CRYBG3: variants seen among roughly 807,000 people sequenced by gnomAD.
CRYBG3 encodes very large A-kinase anchor protein.
In CRYBG3, 127 loss-of-function variants were observed where a neutral mutation model predicts 244.2. The observed-to-expected ratio is 0.52, with a 90% CI of 0.45 to 0.60. The LOEUF (loss-of-function observed/expected upper bound fraction) is 0.60, where lower values mean the gene tolerates loss of function less well. Ranked by LOEUF, CRYBG3 falls within the 20% of genes least tolerant of loss-of-function variation. CRYBG3 has a pLI of 0.00. For missense variants in CRYBG3, 3,325 were observed against 3,442.5 expected (o/e 0.97, Z 0.85); for synonymous variants, 1,132 against 1,195.8 (o/e 0.95, Z 1.10).
At chr3:97,930,416 A>G (rs72916364) in intron 17 of CRYBG3, among the ~76,000 whole-genome samples, 111 of 152,180 alleles carry the variant, frequency 7.3e-4, no homozygotes, top group Middle Eastern at 3.4e-3. Flanking sequence ...TTTATTTTAT[A>G]AACTGTTGGG....
At chr3:97,911,539 G>A (rs1319626088) in intron 15 of CRYBG3, among the ~76,000 whole-genome samples, 1 of 152,218 alleles carries the variant, frequency 6.6e-6, no homozygotes, top group African/African-American at 2.4e-5. Flanking sequence ...ACCGAAGCCT[G>A]TAAGCTGAAA....
chr3:97,873,611 A>G lies in CRYBG3; in HGVS notation c.2417A>G (p.Glu806Gly). ...IIEKSDSLSL[E>G]AKTANIVSKA... ...GAGAAGTCTGATTCTCTTTCCTTGG[A>G]AGCCAAAACTGCTAACATTGTATCA... The change falls in exon 4 of 22, where the codon GAA (glutamate) becomes GGA (glycine). Residue 806 changes from glutamate to glycine, a missense_variant. Coordinates refer to ENST00000389622, the MANE Select transcript of CRYBG3 (RefSeq NM_153605.4). 1 of 1,534,364 alleles carries G rather than the reference A, an allele frequency of 6.5e-7. No individual in the cohort carries two copies. The highest frequency in any genetic ancestry group is 8.7e-7 in the Non-Finnish European group (1 of 1,146,258).
At chr3:97,883,404 T>C (rs756839257) in intron 7 of CRYBG3, among the ~76,000 whole-genome samples, 2 of 152,214 alleles carry the variant, frequency 1.3e-5, no homozygotes, top group Non-Finnish European at 2.9e-5. Context: ...TTTTGTGCTT[T>C]CTTTGTGAAA....
Position 97,877,334 on chromosome 3 carries a change from A to G in CRYBG3, c.6140A>G (p.Asp2047Gly), listed in dbSNP as rs921509869. Reference sequence around the variant, plus strand: ...TGTGAAAGGTCTGAGAGTAGAACTGACCTTGTCCATCACTTTGAAAAAGGT... The same window carrying G: ...TGTGAAAGGTCTGAGAGTAGAACTGGCCTTGTCCATCACTTTGAAAAAGGT... Reference protein sequence around the residue: ...LACERSESRTDLVHHFEKGTK... With the variant: ...LACERSESRTGLVHHFEKGTK... Residue 2047 changes from aspartate (D) to glycine (G), a missense_variant, in exon 4 of 22, where the codon GAC becomes GGC. Physicochemically the swap from Asp to Gly is moderately conservative, Grantham distance 94. Transcript: ENST00000389622. 2 of 1,614,010 alleles carry G rather than the reference A, an allele frequency of 1.2e-6. No individual in the cohort carries two copies. Among genetic ancestry groups the G allele is most frequent in the African/African-American group, 1.3e-5 (1 of 74,930 alleles).
At chr3:97,893,093 A>C in intron 11 of CRYBG3, 100 bp downstream of exon 11, 1 of 1,010,916 alleles carries the variant, frequency 9.9e-7, no homozygotes, top group Non-Finnish European at 1.5e-6. Context: ...TTTAATCTAA[A>C]AATATACATT....
intron 17 of CRYBG3, among the ~76,000 whole-genome samples, chr3:97,920,660 G>T (rs2039973910): frequency 6.6e-6 from 1 of 152,092 alleles, no homozygotes; most frequent in Non-Finnish European, 1.5e-5. Flanking sequence ...CTCCCAAGTA[G>T]CTGGGATTAC....
Position 97,822,096 on chromosome 3 carries a change from C to T in CRYBG3, c.-111C>T. On this transcript the variant is annotated 5_prime_UTR_variant, in exon 1 of 22. Transcript: ENST00000389622. ...ACTGAGCCGCGCTGGCAGCTCGCGT[C>T]GAGTCGGTCTGCCCTAGCCGCATCC... is the stretch of plus-strand genomic sequence containing the variant. The T allele has an allele frequency of 1.1e-6, 1 of 899,576 alleles. No individual in the cohort carries two copies. The highest frequency in any genetic ancestry group is 1.5e-6 in the Non-Finnish European group (1 of 669,586). The allele number at this position is 899,576 out of a possible 1,614,324, so 55.7% of individuals were successfully genotyped here.
Position 97,898,902 on chromosome 3 carries a change from T to A in CRYBG3, c.7721T>A (p.Val2574Asp). 6.3e-7 allele frequency: 1 copy of A among 1,595,046 alleles called. No individual in the cohort carries two copies. Among genetic ancestry groups the A allele is most frequent in the Non-Finnish European group, 8.5e-7 (1 of 1,171,164 alleles). The change falls in exon 13 of 22, where the codon GTC becomes GAC. Residue 2574 changes from valine (V) to aspartate (D), a missense_variant. By Grantham distance (152) the Val-to-Asp change is radical. Coordinates refer to ENST00000389622, the MANE Select transcript of CRYBG3 (RefSeq NM_153605.4). The part of the protein sequence containing the change: ...YLQANFIESS[V>D]TLFESDLESG... ...TTTTAGAATTTTATAGAATCTTCTG[T>A]CACACTATTTGAATCTGACCTAGAA...
Position 97,876,284 on chromosome 3 carries a change from G to C in CRYBG3, c.5090G>C (p.Gly1697Ala). The change falls in exon 4 of 22, where the codon GGT (glycine) becomes GCT (alanine). Residue 1697 changes from glycine (G) to alanine (A), a missense_variant. This residue lies in a region of CRYBG3 where 635 missense variants were observed against 771.7 expected (regional missense o/e 0.82). Transcript: ENST00000389622. Reference sequence around the variant, plus strand: ...GAAGTGGAAAATATCCACCAAAAAGGTGGTGAAGGGATTAGTGAAAAGGCT... The same window carrying C: ...GAAGTGGAAAATATCCACCAAAAAGCTGGTGAAGGGATTAGTGAAAAGGCT... ...LSEVENIHQK[G>A]GEGISEKAEV... 1 of 1,231,840 alleles carries C rather than the reference G, an allele frequency of 8.1e-7. No homozygotes were observed. The highest frequency in any genetic ancestry group is 1.0e-6 in the Non-Finnish European group (1 of 987,894). The allele number at this position is 1,231,840 out of a possible 1,614,324, so 76.3% of individuals were successfully genotyped here. A position where few individuals can be genotyped will look rare whatever the true frequency, so the allele number is the denominator to read the frequency against.
intron 17 of CRYBG3, among the ~76,000 whole-genome samples, chr3:97,928,763 T>G (rs1325523524): frequency 7.9e-5 from 12 of 151,914 alleles, no homozygotes; most frequent in Admixed American, 6.6e-5. Flanking sequence ...GCTACACAAA[T>G]TGGGTAGTAT....
In CRYBG3 at chr3:97,872,629, ACCATAGATAGCTCATCAAAGCAAGCTG is replaced by A; in HGVS notation, c.1439_1465del (p.Ile480_Ala488del). The A allele has an allele frequency of 6.5e-7, 1 of 1,535,956 alleles. No homozygotes were observed. The highest frequency in any genetic ancestry group is 8.7e-7 in the Non-Finnish European group (1 of 1,146,816). On this transcript the variant is annotated inframe_deletion, in exon 4 of 22. Transcript: ENST00000389622. ...AGAGAGTGAGTGTTCTGACAAGCAAACCATAGATAGCTCATCAAAGCAAGCTGCCACTCACACCAATATCATTGCTCT... is the reference window on the plus strand; with the variant it reads ...AGAGAGTGAGTGTTCTGACAAGCAAACCACTCACACCAATATCATTGCTCT...
Position 97,897,006 on chromosome 3 carries a change from A to G in CRYBG3, c.7701+921A>G, listed in dbSNP as rs531554557. 1.5e-4 allele frequency among the ~76,000 whole-genome samples: 23 copies of G among 152,182 alleles called. No homozygotes were observed. In the South Asian group the frequency reaches 4.6e-3, roughly 30 times the overall value. On this transcript the variant is annotated intron_variant, in intron 12 of 21. Coordinates refer to ENST00000389622, the MANE Select transcript of CRYBG3 (RefSeq NM_153605.4). Reference sequence around the variant, plus strand: ...TTTTTTTTTTAAGGAGAGGACCAAAAGGAATATAGCAGTATTTAGGCTCCA... The same window carrying G: ...TTTTTTTTTTAAGGAGAGGACCAAAGGGAATATAGCAGTATTTAGGCTCCA...
chr3:97,863,895 T>A (rs1246427585), intron 2 of CRYBG3, among the ~76,000 whole-genome samples: 1 of 152,138 alleles, frequency 6.6e-6, no homozygotes, highest in Non-Finnish European at 1.5e-5. Flanking sequence ...TCTGTCCTCT[T>A]TAAAGAGTGT....
At chr3:97,899,300 G>A (rs1287118287) in intron 14 of CRYBG3, 37 bp downstream of exon 14, 1 of 1,579,746 alleles carries the variant, frequency 6.3e-7, no homozygotes, top group Admixed American at 1.9e-5. Flanking sequence ...GCTGCATCAT[G>A]TAATAGTATG....
chr3:97,936,838 C>T lies in CRYBG3; in HGVS notation c.8435C>T (p.Pro2812Leu). 1 of 1,612,894 alleles carries T rather than the reference C, an allele frequency of 6.2e-7. No individual in the cohort carries two copies. Among genetic ancestry groups the T allele is most frequent in the Non-Finnish European group, 8.5e-7 (1 of 1,179,298 alleles). The part of the protein sequence containing the change: ...NFLGRQILLR[P>L]NEIPNWTAFS... ...TTGGGAAGACAAATCCTACTCAGGC[C>T]TAATGAGATCCCAAACTGGACAGCA... The change falls in exon 19 of 22, where the codon CCT (proline) becomes CTT (leucine). Residue 2812 changes from proline (P) to leucine (L), a missense_variant. This residue lies in a region of CRYBG3 where 714 missense variants were observed against 803.6 expected (regional missense o/e 0.89). Transcript: ENST00000389622.
At position 97,874,761 on chromosome 3, in the gene CRYBG3, T is replaced by C; in HGVS notation, c.3567T>C (p.Leu1189=). ...CCAGGAGAAGAGCACATGACCAACTTTTGGACCTCAAAAGTAGTTTACTCA... is the reference window on the plus strand; with the variant it reads ...CCAGGAGAAGAGCACATGACCAACTCTTGGACCTCAAAAGTAGTTTACTCA... ...IEARRRAHDQ[L]LDLKSSLLKK... The change falls in exon 4 of 22, where the codon CTT becomes CTC. Residue 1189 remains leucine, a synonymous_variant. Transcript: ENST00000389622. 2 of 1,535,986 alleles carry C rather than the reference T, an allele frequency of 1.3e-6. No individual in the cohort carries two copies. The highest frequency in any genetic ancestry group is 1.7e-6 in the Non-Finnish European group (2 of 1,146,872).
chr3:97,905,702 C>T (rs1220495485), intron 15 of CRYBG3, among the ~76,000 whole-genome samples: 1 of 139,328 alleles, frequency 7.2e-6, no homozygotes, highest in East Asian at 2.2e-4. Context: ...GTTGCCTGTT[C>T]ACTCTGATGG....
intron 17 of CRYBG3, among the ~76,000 whole-genome samples, chr3:97,925,925 A>G (rs781460007): frequency 1.2e-4 from 18 of 152,010 alleles, no homozygotes; most frequent in Non-Finnish European, 2.4e-4. Flanking sequence ...AAACCAAATG[A>G]GAGAGGCTCT....
chr3:97,942,495 C>T, intron 21 of CRYBG3, 52 bp downstream of exon 21: 1 of 1,466,040 alleles, frequency 6.8e-7, no homozygotes, highest in Admixed American at 1.9e-5. Context: ...AGTTTCAGTT[C>T]CAAATCTCCT....
Sources: allele counts gnomAD v4.1 joint callset (sites outside exome capture counted in the v4.1 genomes callset), GRCh38; gene constraint gnomAD v4.1.1; regional missense constraint gnomAD v4.1.1; transcripts MANE v1.5; gene names NCBI Gene and HGNC (gene_info 2026-07-23, HGNC 2026-07-21).